HEATR4: variants seen among roughly 807,000 people sequenced by gnomAD.
HEATR4 encodes HEAT repeat containing 4.
HEATR4 carries 95 observed loss-of-function variants against 108.8 expected under a neutral mutation model. The ratio of observed to expected loss-of-function variants is 0.87; its 90% confidence interval spans 0.74 to 1.04. The LOEUF is 1.04. HEATR4 is among the 50% of genes least tolerant of loss of function. The pLI, the probability that HEATR4 is intolerant of heterozygous loss-of-function variation, is 0.00. For missense variants in HEATR4, 1,152 were observed against 1,253.8 expected (o/e 0.92, Z 1.23); for synonymous variants, 443 against 459.4 (o/e 0.96, Z 0.46).
Position 73,543,756 on chromosome 14 carries a change from A to G in HEATR4, c.-151-13512T>C. The G allele has an allele frequency of 4.0e-6, 3 of 748,988 alleles. 1 individual carries two copies. The highest frequency in any genetic ancestry group is 5.4e-6 in the Non-Finnish European group (3 of 558,856). 46.4% of individuals were successfully genotyped at this position (748,988 alleles called of 1,614,324 possible). The stretch of plus-strand genomic sequence containing the variant: ...TATTCATTCTTTCTCATAACTTCTT[A>G]AAGTTTCTTCCCCTCATTATTAAAA... On this transcript the variant is annotated intron_variant, in intron 1 of 17. Coordinates refer to ENST00000553558, the MANE Select transcript of HEATR4 (RefSeq NM_001220484.1).
chr14:73,570,298 A>G, the HEATR4 span, among the ~76,000 whole-genome samples: 3 of 151,690 alleles, frequency 2.0e-5, no homozygotes, highest in Non-Finnish European at 2.9e-5. Context: ...GGCCAGGCGC[A>G]GTGGCTCACG....
At chr14:73,604,164 C>CTTTTTTTTTTTTTTTT in the HEATR4 span, among the ~76,000 whole-genome samples, 4 of 120,780 alleles carry the variant, frequency 3.3e-5, 1 homozygote, top group African/African-American at 3.3e-5. Context: ...TTGCTAATTT[C>CTTTTTTTTTTTTTTTT]TTTTTTTTTT....
chr14:73,604,030 C>T, the HEATR4 span, among the ~76,000 whole-genome samples: 1 of 152,160 alleles, frequency 6.6e-6, no homozygotes, highest in East Asian at 1.9e-4. Context: ...CCATGGCCGG[C>T]AGGTGCTTAT....
In HEATR4 at chr14:73,549,053, TCA is replaced by T. The variant is rs1889281231; in HGVS notation, c.-152+9696_-152+9697del. On this transcript the variant is annotated intron_variant, in intron 1 of 17. Transcript: ENST00000553558. ...TTTATAAACAACAGAAATGTATTGCTCACAGTTTTGGAGGCTAGGAAATCCAA... is the reference window on the plus strand; with the variant it reads ...TTTATAAACAACAGAAATGTATTGCTCAGTTTTGGAGGCTAGGAAATCCAA... Among the ~76,000 whole-genome samples, 2 of 113,618 alleles carry T rather than the reference TCA, an allele frequency of 1.8e-5. 1 individual carries two copies. Among genetic ancestry groups the T allele is most frequent in the Non-Finnish European group, 3.8e-5 (2 of 52,228 alleles). 74.5% of individuals were successfully genotyped at this position (113,618 alleles called of 152,430 possible).
chr14:73,573,339 C>T, the HEATR4 span: 1 of 1,611,516 alleles, frequency 6.2e-7, no homozygotes, highest in Non-Finnish European at 8.5e-7. Flanking sequence ...AACCATCCAA[C>T]TGTTTCAGGA....
At chr14:73,595,645 T>C in the HEATR4 span, 2 of 1,520,340 alleles carry the variant, frequency 1.3e-6, no homozygotes, top group Non-Finnish European at 1.8e-6. Flanking sequence ...CAGCTGTCCC[T>C]AAATTGTAAT....
At chr14:73,527,304 C>A (rs577650541) in intron 2 of HEATR4, 2 of 151,954 alleles carry the variant, frequency 1.3e-5, no homozygotes, top group Admixed American at 1.3e-4. Flanking sequence ...ACCAAATGGA[C>A]TAAATAAGGC....
the HEATR4 span, among the ~76,000 whole-genome samples, chr14:73,620,126 G>A: frequency 3.9e-5 from 6 of 152,112 alleles, no homozygotes; most frequent in South Asian, 6.2e-4. Flanking sequence ...TGGCCAGGCT[G>A]GTCTTGAACT....
chr14:73,573,418 T>C, the HEATR4 span: 1 of 1,613,776 alleles, frequency 6.2e-7, no homozygotes. Context: ...ATTGTGGACA[T>C]GTTCGGAACT....
intron 2 of HEATR4, among the ~76,000 whole-genome samples, chr14:73,524,310 A>AAAAAAAAAAAAATATATATATAT: frequency 1.8e-5 from 1 of 54,778 alleles, no homozygotes; most frequent in Non-Finnish European, 3.1e-5. Flanking sequence ...AAAAAAAAAA[A>AAAAAAAAAAAAATATATATATAT]ATATATATAT....
In HEATR4 at chr14:73,545,856, A is replaced by C. The variant is rs1172993992; in HGVS notation, c.-152+12895T>G. The stretch of plus-strand genomic sequence containing the variant: ...GGTGAATATTAGATTCAAAAGCACC[A>C]CAGATGAGCCGGTGGTTGTAGAAGT... On this transcript the variant is annotated intron_variant, in intron 1 of 17. Transcript: ENST00000553558. 4.4e-5 allele frequency among the ~76,000 whole-genome samples: 5 copies of C among 113,542 alleles called. 2 individuals carry two copies. Among genetic ancestry groups the C allele is most frequent in the Non-Finnish European group, 9.6e-5 (5 of 52,314 alleles). 74.5% of individuals were successfully genotyped at this position (113,542 alleles called of 152,430 possible).
intron 8 of HEATR4, 65 bp downstream of exon 8, chr14:73,509,247 G>T (rs1026923216): frequency 1.0e-5 from 15 of 1,483,524 alleles, no homozygotes; most frequent in African/African-American, 6.9e-5. Context: ...GGAAAGGACT[G>T]GGAAAGCTGA....
At chr14:73,622,563 G>A in the HEATR4 span, among the ~76,000 whole-genome samples, 1 of 151,942 alleles carries the variant, frequency 6.6e-6, no homozygotes, top group Admixed American at 6.6e-5. Flanking sequence ...ACCACACCCG[G>A]CTAATTTTGT....
At chr14:73,528,680 T>A (rs1888514230) in intron 2 of HEATR4, among the ~76,000 whole-genome samples, 1 of 152,200 alleles carries the variant, frequency 6.6e-6, no homozygotes, top group Admixed American at 6.5e-5. Context: ...CCTGTTCTAA[T>A]TTAGTGTTGA....
At position 73,519,512 on chromosome 14, in the gene HEATR4, G is replaced by A. The variant is rs192496786; in HGVS notation, c.1070-349C>T. On this transcript the variant is annotated intron_variant, in intron 4 of 17. Transcript: ENST00000553558. ...TGTAATCTCAGCACTTTGGGAGGCC[G>A]AGGTGGGTGGATCACATCATCAGGA... Among the ~76,000 whole-genome samples, 254 of 152,078 alleles carry A rather than the reference G, an allele frequency of 1.7e-3. 1 individual carries two copies. Among genetic ancestry groups the A allele is most frequent in the African/African-American group, 5.8e-3 (240 of 41,482 alleles).
chr14:73,494,639 C>T (rs1408813404), intron 16 of HEATR4, among the ~76,000 whole-genome samples: 1 of 152,156 alleles, frequency 6.6e-6, no homozygotes, highest in Admixed American at 6.6e-5. Context: ...CAGCCTCAAC[C>T]TCCTGGGCTC....
In HEATR4 at chr14:73,522,883, C is replaced by T. The variant is rs1185295217; in HGVS notation, c.270G>A (p.Gln90=). The T allele has an allele frequency of 2.5e-6, 4 of 1,614,082 alleles. No homozygotes were observed. The highest frequency in any genetic ancestry group is 3.4e-6 in the Non-Finnish European group (4 of 1,180,052). Residue 90 remains glutamine (Q), a synonymous_variant, in exon 3 of 18, where the codon CAG becomes CAA. Coordinates refer to ENST00000553558, the MANE Select transcript of HEATR4 (RefSeq NM_001220484.1). ...TATTGTAGAGGTGGTCAAAGCTGTA[C>T]TGGCTATAAGGAATGCTGGGCAGGC... ...QRGLPSIPYS[Q]YSFDHLYNTN... is the part of the protein sequence containing the mutation.
At position 73,492,984 on chromosome 14, in the gene HEATR4, C is replaced by T. The variant is rs771920419; in HGVS notation, c.2844+82G>A. 7.5e-6 allele frequency: 12 copies of T among 1,592,486 alleles called. No homozygotes were observed. Among genetic ancestry groups the T allele is most frequent in the African/African-American group, 1.4e-5 (1 of 71,920 alleles). ...TGGAAACAAGGCAGTAGTGATTCTC[C>T]GCTGCCACTGCTACCTTTTTTTTTT... On this transcript the variant is annotated intron_variant, in intron 17 of 17. Coordinates refer to ENST00000553558, the MANE Select transcript of HEATR4 (RefSeq NM_001220484.1). The surrounding 1 kb of genome is among the most constrained non-coding windows in gnomAD (Gnocchi z 4.9).
the HEATR4 span, among the ~76,000 whole-genome samples, chr14:73,605,369 G>A: frequency 6.6e-6 from 1 of 152,074 alleles, no homozygotes; most frequent in African/African-American, 2.4e-5. Context: ...AGCTGTCCTT[G>A]TTCATTCCTT....
Sources: allele counts gnomAD v4.1 joint callset (sites outside exome capture counted in the v4.1 genomes callset), GRCh38; gene constraint gnomAD v4.1.1; non-coding constraint Gnocchi (gnomAD v3.1); transcripts MANE v1.5; gene names NCBI Gene and HGNC (gene_info 2026-07-23, HGNC 2026-07-21).